Variants in GRIN2B observed in about 807,000 individuals in gnomAD.
GRIN2B encodes glutamate receptor ionotropic, NMDA 2B.
Under a neutral mutation model 114.5 loss-of-function variants are expected in GRIN2B, and 5 were observed. The observed-to-expected ratio is 0.04, with a 90% confidence interval of 0.02 to 0.09. GRIN2B has a LOEUF of 0.09. Among genes scored for constraint, GRIN2B ranks in the 10% least tolerant of loss-of-function variants. The pLI, the probability that GRIN2B is intolerant of heterozygous loss-of-function variation, is 1.00. For missense variants in GRIN2B, 1,108 were observed against 1,943.5 expected (o/e 0.57, Z 8.08); for synonymous variants, 787 against 745.1 (o/e 1.06, Z -0.92).
Position 13,562,238 on chromosome 12 carries a change from C to T in GRIN2B, c.*545G>A, listed in dbSNP as rs989869510. The T allele has an allele frequency of 2.6e-5, 4 of 154,270 alleles. No homozygotes were observed. The highest frequency in any genetic ancestry group is 7.2e-5 in the African/African-American group (3 of 41,450). The allele number at this position is 154,270 out of a possible 1,614,324, so 9.6% of individuals were successfully genotyped here. ...ATATAAACACAAATGGCCTCCCAAC[C>T]TCTGCTTGGCACATGATTCCTAGAC... On this transcript the variant is annotated 3_prime_UTR_variant, in exon 14 of 14. Coordinates refer to ENST00000609686, the MANE Select transcript of GRIN2B (RefSeq NM_000834.5).
At chr12:13,940,440 A>G (rs891963559) in intron 2 of GRIN2B, among the ~76,000 whole-genome samples, 7 of 151,436 alleles carry the variant, frequency 4.6e-5, no homozygotes, top group African/African-American at 7.3e-5. Context: ...TCCTTGGCGC[A>G]CACACACACA....
intron 3 of GRIN2B, among the ~76,000 whole-genome samples, chr12:13,785,653 T>C (rs1864212114): frequency 3.3e-5 from 5 of 152,234 alleles, no homozygotes. Flanking sequence ...GAAAAGAATG[T>C]AATAACACCA....
In GRIN2B at chr12:13,698,923, T is replaced by C. The variant is rs539994258; in HGVS notation, c.1011-23064A>G. On this transcript the variant is annotated intron_variant, in intron 4 of 13. Transcript: ENST00000609686. ...GTCTCGAACTCCTGACCTCAGGTGA[T>C]CCACCTGCCTCAGCCTCCCAAAGTG... 5.3e-5 allele frequency among the ~76,000 whole-genome samples: 8 copies of C among 152,236 alleles called. No homozygotes were observed. In the East Asian group the frequency reaches 1.5e-3, roughly 29 times the overall value.
At chr12:13,922,080 T>G (rs1291938664) in intron 2 of GRIN2B, among the ~76,000 whole-genome samples, 1 of 152,202 alleles carries the variant, frequency 6.6e-6, no homozygotes, top group Admixed American at 6.5e-5. Flanking sequence ...ACAAGCAAAG[T>G]ACCTAGTAAG....
chr12:13,595,634 C>T (rs1949062318), intron 10 of GRIN2B, among the ~76,000 whole-genome samples: 1 of 152,188 alleles, frequency 6.6e-6, no homozygotes, highest in Non-Finnish European at 1.5e-5. Context: ...GCCTTCTCAG[C>T]CTTCTTGCCT....
intron 3 of GRIN2B, among the ~76,000 whole-genome samples, chr12:13,821,461 G>C (rs1437026598): frequency 6.6e-6 from 1 of 152,192 alleles, no homozygotes; most frequent in Non-Finnish European, 1.5e-5. Context: ...TGCCTCATAT[G>C]CAAAGGCTAA....
chr12:13,822,419 T>G (rs1193734815), intron 3 of GRIN2B, among the ~76,000 whole-genome samples: 1 of 152,162 alleles, frequency 6.6e-6, no homozygotes, highest in African/African-American at 2.4e-5. Flanking sequence ...TTGTGAGGGT[T>G]AGAAGTATAA....
At chr12:13,605,975 G>A (rs915071681) in intron 10 of GRIN2B, among the ~76,000 whole-genome samples, 4 of 152,140 alleles carry the variant, frequency 2.6e-5, no homozygotes, top group African/African-American at 9.7e-5. Context: ...ACCATGCATA[G>A]GACATGATAC....
At chr12:13,605,663 G>T (rs1949237389) in intron 10 of GRIN2B, among the ~76,000 whole-genome samples, 1 of 151,608 alleles carries the variant, frequency 6.6e-6, no homozygotes, top group Non-Finnish European at 1.5e-5. Flanking sequence ...ACAGACATGT[G>T]CATATCCTGT....
intron 3 of GRIN2B, among the ~76,000 whole-genome samples, chr12:13,759,033 A>G (rs1236624359): frequency 1.6e-5 from 2 of 123,814 alleles, no homozygotes; most frequent in Non-Finnish European, 3.2e-5. Flanking sequence ...TTTTGAGACG[A>G]AGTCTCACTC....
At chr12:13,763,806 A>C (rs1236347339) in intron 3 of GRIN2B, among the ~76,000 whole-genome samples, 1 of 152,148 alleles carries the variant, frequency 6.6e-6, no homozygotes, top group Admixed American at 6.5e-5. Flanking sequence ...CTGCAATACA[A>C]ATTGTGTTCA....
chr12:13,972,528 C>A (rs1428256631), intron 2 of GRIN2B, among the ~76,000 whole-genome samples: 1 of 151,966 alleles, frequency 6.6e-6, no homozygotes, highest in Non-Finnish European at 1.5e-5. Context: ...TAAGAGAGAA[C>A]TCCGGACTCT....
Position 13,547,981 on chromosome 12 carries a change from A to ATATATATATATATATATATATATTTTTT in GRIN2B, c.*14801_*14802insAAAAAATATATATATATATATATATATA. The ATATATATATATATATATATATATTTTTT allele has an allele frequency of 1.5e-5, 1 of 68,576 alleles. No individual in the cohort carries two copies. The highest frequency in any genetic ancestry group is 4.6e-5 in the African/African-American group (1 of 21,748). The allele number at this position is 68,576 out of a possible 1,614,324, so 4.2% of individuals were successfully genotyped here. Reference sequence around the variant, plus strand: ...TGTGTATATATATATATATATATATATTTTTTTTTTTTTTCTGAAAGCTAC... The same window carrying ATATATATATATATATATATATATTTTTT: ...TGTGTATATATATATATATATATATATATATATATATATATATATATATTTTTTTTTTTTTTTTTTTTCTGAAAGCTAC... On this transcript the variant is annotated 3_prime_UTR_variant, in exon 14 of 14. Coordinates refer to ENST00000609686, the MANE Select transcript of GRIN2B (RefSeq NM_000834.5).
Position 13,675,874 on chromosome 12 carries a change from T to C in GRIN2B, c.1011-15A>G, listed in dbSNP as rs1950069826. On this transcript the variant is annotated splice_polypyrimidine_tract_variant and intron_variant, in intron 4 of 13. Transcript: ENST00000609686. ...TGATCAGATACCTGTAAAGATAAAATAAAAGGAAGATTAAAAGTATGAAGA... is the reference window on the plus strand; with the variant it reads ...TGATCAGATACCTGTAAAGATAAAACAAAAGGAAGATTAAAAGTATGAAGA... 7.2e-7 allele frequency: 1 copy of C among 1,383,908 alleles called. No homozygotes were observed. The highest frequency in any genetic ancestry group is 1.0e-6 in the Non-Finnish European group (1 of 970,428). The allele number at this position is 1,383,908 out of a possible 1,614,324, so 85.7% of individuals were successfully genotyped here.
intron 2 of GRIN2B, among the ~76,000 whole-genome samples, chr12:13,881,589 A>C (rs1209206828): frequency 6.6e-6 from 1 of 152,172 alleles, no homozygotes; most frequent in Non-Finnish European, 1.5e-5. Context: ...ACATTTTCAC[A>C]AGCTCTTCGC....
chr12:13,689,523 G>C (rs1222390059), intron 4 of GRIN2B, among the ~76,000 whole-genome samples: 5 of 151,892 alleles, frequency 3.3e-5, no homozygotes, highest in Non-Finnish European at 7.4e-5. Context: ...CTCCCTAAAT[G>C]TTTACCCTAG....
intron 9 of GRIN2B, chr12:13,609,958 T>C (rs1324340444): frequency 6.6e-6 from 1 of 152,208 alleles, no homozygotes; most frequent in Non-Finnish European, 1.5e-5. Flanking sequence ...CAATCTCTAT[T>C]TGCTGATGGT....
At chr12:13,656,868 A>C (rs188725211) in intron 5 of GRIN2B, among the ~76,000 whole-genome samples, 1 of 152,350 alleles carries the variant, frequency 6.6e-6, no homozygotes, top group East Asian at 1.9e-4. Context: ...CTCTTGTTTT[A>C]TAGATATGGA....
At chr12:13,616,306 G>A in intron 6 of GRIN2B, 149 bp downstream of exon 6, 1 of 695,946 alleles carries the variant, frequency 1.4e-6, no homozygotes. Flanking sequence ...AGACCAGAGG[G>A]CTGCCAGTAA....
Sources: allele counts gnomAD v4.1 joint callset (sites outside exome capture counted in the v4.1 genomes callset), GRCh38; gene constraint gnomAD v4.1.1; transcripts MANE v1.5; gene names NCBI Gene and HGNC (gene_info 2026-07-23, HGNC 2026-07-21).